Variants in TENM2 observed in about 807,000 individuals in gnomAD.
TENM2 encodes teneurin transmembrane protein 2, also known as teneurin-2.
A neutral mutation model predicts 245.2 loss-of-function variants in TENM2; 52 were observed. The ratio of observed to expected loss-of-function variants is 0.21; its 90% CI spans 0.17 to 0.27. The LOEUF (loss-of-function observed/expected upper bound fraction) is 0.27. TENM2 is among the 10% of genes least tolerant of loss of function. The pLI, the probability that TENM2 is intolerant of heterozygous loss-of-function variation, is 1.00. For missense variants in TENM2, 3,046 were observed against 3,666.8 expected (o/e 0.83, Z 4.37); for synonymous variants, 1,363 against 1,438.9 (o/e 0.95, Z 1.19).
chr5:167,475,023 A>G (rs1053179924), intron 2 of TENM2, among the ~76,000 whole-genome samples: 1 of 152,198 alleles, frequency 6.6e-6, no homozygotes, highest in African/African-American at 2.4e-5. Context: ...CAAGTATATT[A>G]TGTTGTGAAA....
intron 2 of TENM2, among the ~76,000 whole-genome samples, chr5:167,793,865 T>C (rs762182630): frequency 2.4e-4 from 36 of 151,470 alleles, no homozygotes; most frequent in Non-Finnish European, 4.3e-4. Context: ...CACTAAGAAG[T>C]AAGCAAGCAT....
chr5:168,255,158 T>C (rs1318817519), intron 27 of TENM2, among the ~76,000 whole-genome samples: 1 of 152,222 alleles, frequency 6.6e-6, no homozygotes, highest in Non-Finnish European at 1.5e-5. Flanking sequence ...CGATTTGATG[T>C]GGTATACAGA....
intron 2 of TENM2, among the ~76,000 whole-genome samples, chr5:167,602,118 C>G (rs530421682): frequency 2.0e-5 from 3 of 151,986 alleles, no homozygotes; most frequent in African/African-American, 7.2e-5. Context: ...AAGTTGCTGT[C>G]GTATTTCTCT....
At chr5:167,540,148 A>G (rs966836288) in intron 2 of TENM2, among the ~76,000 whole-genome samples, 6 of 152,230 alleles carry the variant, frequency 3.9e-5, no homozygotes, top group African/African-American at 1.4e-4. Context: ...CAAGGAACAC[A>G]CAATTGAAAA....
At chr5:167,262,409 G>A in the TENM2 span, among the ~76,000 whole-genome samples, 2 of 151,274 alleles carry the variant, frequency 1.3e-5, no homozygotes, top group Non-Finnish European at 2.9e-5. Context: ...TGGGGGGGCG[G>A]TGCACAATAA....
the TENM2 span, among the ~76,000 whole-genome samples, chr5:167,043,930 G>T: frequency 6.6e-6 from 1 of 151,918 alleles, no homozygotes; most frequent in South Asian, 2.1e-4. Flanking sequence ...TGAGGCAGGA[G>T]AATCGCTTGA....
chr5:167,101,533 A>C, the TENM2 span, among the ~76,000 whole-genome samples: 1 of 151,938 alleles, frequency 6.6e-6, no homozygotes, highest in Non-Finnish European at 1.5e-5. Context: ...GGTGGGGTCT[A>C]TCTCCCATCT....
intron 2 of TENM2, among the ~76,000 whole-genome samples, chr5:167,687,450 A>G (rs915288810): frequency 2.0e-5 from 3 of 152,190 alleles, no homozygotes; most frequent in East Asian, 1.9e-4. Context: ...GGGAACACAT[A>G]CATGTCCAAC....
chr5:167,859,430 G>A (rs1771472681), intron 2 of TENM2, among the ~76,000 whole-genome samples: 2 of 145,714 alleles, frequency 1.4e-5, no homozygotes, highest in Non-Finnish European at 3.1e-5. Context: ...GAGGTGAGGG[G>A]CGCCTCTGCC....
intron 1 of TENM2, among the ~76,000 whole-genome samples, chr5:167,343,723 CTTTAA>C (rs898666125): frequency 2.6e-4 from 39 of 152,046 alleles, no homozygotes; most frequent in Non-Finnish European, 5.1e-4. Flanking sequence ...GAAGTTTGTT[CTTTAA>C]TTTAAGATCA....
chr5:167,839,874 GT>G (rs1769335453), intron 2 of TENM2, among the ~76,000 whole-genome samples: 1 of 152,172 alleles, frequency 6.6e-6, no homozygotes, highest in African/African-American at 2.4e-5. Flanking sequence ...CTGGAGTGCA[GT>G]GGCACGGTCT....
intron 2 of TENM2, among the ~76,000 whole-genome samples, chr5:167,613,668 T>G (rs991408578): frequency 6.6e-6 from 1 of 151,962 alleles, no homozygotes; most frequent in Non-Finnish European, 1.5e-5. Context: ...GAAAGCCAAG[T>G]TTATGCTCGA....
intron 2 of TENM2, among the ~76,000 whole-genome samples, chr5:167,752,526 C>T (rs60762718): frequency 2.0e-3 from 302 of 152,210 alleles, no homozygotes; most frequent in African/African-American, 6.8e-3. Context: ...ACAAAGTGCA[C>T]TAGTTAGCTG....
At chr5:167,405,769 A>AACACACACACACACACACAC (rs149621688) in intron 2 of TENM2, among the ~76,000 whole-genome samples, 1,755 of 145,204 alleles carry the variant, frequency 0.012, 17 homozygotes, top group Admixed American at 0.017. Flanking sequence ...CACACACACA[A>AACACACACACACACACACAC]ACACACACAC....
intron 2 of TENM2, among the ~76,000 whole-genome samples, chr5:167,413,609 C>T (rs762137763): frequency 6.6e-6 from 1 of 152,118 alleles, no homozygotes; most frequent in Non-Finnish European, 1.5e-5. Flanking sequence ...AAATATCCAG[C>T]CATCCATCCG....
At chr5:168,185,133 A>G (rs1429320188) in intron 13 of TENM2, 2 of 152,098 alleles carry the variant, frequency 1.3e-5, no homozygotes, top group African/African-American at 4.8e-5. Context: ...GCCCACACTT[A>G]CCCCTGTTGA....
chr5:167,976,070 A>G (rs369027472), intron 4 of TENM2, among the ~76,000 whole-genome samples: 1 of 152,192 alleles, frequency 6.6e-6, no homozygotes, highest in Admixed American at 6.5e-5. Context: ...CCTTGAAGAA[A>G]TCACATATGA....
At chr5:167,848,328 T>C (rs1770241707) in intron 2 of TENM2, among the ~76,000 whole-genome samples, 1 of 152,098 alleles carries the variant, frequency 6.6e-6, no homozygotes, top group Non-Finnish European at 1.5e-5. Context: ...TATGAATGAA[T>C]GAAATAAGAG....
At chr5:167,068,306 T>C in the TENM2 span, among the ~76,000 whole-genome samples, 3 of 152,306 alleles carry the variant, frequency 2.0e-5, no homozygotes, top group African/African-American at 7.2e-5. Flanking sequence ...GCAGACTTCA[T>C]AAATACACAG....
Sources: gnomAD v4.1 joint callset for allele counts (sites outside exome capture counted in the v4.1 genomes callset) on GRCh38, gnomAD v4.1.1 for gene constraint, MANE v1.5 for transcripts, NCBI Gene and HGNC (gene_info 2026-07-23, HGNC 2026-07-21) for gene names.